ASTN2: variants seen among roughly 807,000 people sequenced by gnomAD.
ASTN2 encodes astrotactin-2.
ASTN2 carries 54 observed loss-of-function variants against 139.8 expected under a neutral mutation model. That is an observed-to-expected ratio of 0.39 (90% CI 0.31 to 0.48). ASTN2 has a LOEUF of 0.48. ASTN2 is among the 20% of genes least tolerant of loss of function. ASTN2 has a pLI of 0.95. For synonymous variants in ASTN2, 756 were observed against 719.5 expected (o/e 1.05, Z -0.81); for missense variants, 1,565 against 1,725.1 (o/e 0.91, Z 1.64).
chr9:117,245,104 G>A (rs922879660), intron 2 of ASTN2, among the ~76,000 whole-genome samples: 19 of 152,130 alleles, frequency 1.2e-4, no homozygotes, highest in African/African-American at 3.9e-4. Context: ...TTCATCCTCC[G>A]TGGCCTCCAC....
chr9:116,528,028 G>T (rs1438939545), intron 19 of ASTN2, among the ~76,000 whole-genome samples: 1 of 152,182 alleles, frequency 6.6e-6, no homozygotes. Flanking sequence ...GGTACCAGAA[G>T]TGAGGCACTG....
At chr9:116,943,679 T>C (rs916294949) in intron 10 of ASTN2, among the ~76,000 whole-genome samples, 9 of 152,188 alleles carry the variant, frequency 5.9e-5, no homozygotes, top group African/African-American at 2.2e-4. Flanking sequence ...AATCCCTATC[T>C]TTGGCCTGAC....
chr9:116,923,088 G>A lies in ASTN2; in HGVS notation c.1889+52120C>T, dbSNP rs77772536. 6.5e-3 allele frequency among the ~76,000 whole-genome samples: 991 copies of A among 152,284 alleles called. 6 individuals are homozygous for A. The highest frequency in any genetic ancestry group is 9.0e-3 in the Admixed American group (138 of 15,300). On this transcript the variant is annotated intron_variant, in intron 10 of 22. Transcript: ENST00000313400. ...GCCACTTTACAAACAAGGACATTAA[G>A]GTTCAGACTCAAACAAAGCCCGCCT... is the stretch of plus-strand genomic sequence containing the variant.
chr9:116,539,980 G>T (rs1851810797), intron 19 of ASTN2, among the ~76,000 whole-genome samples: 1 of 152,122 alleles, frequency 6.6e-6, no homozygotes, highest in Admixed American at 6.5e-5. Context: ...AGTTCAGTTG[G>T]CATCATTTTC....
intron 13 of ASTN2, among the ~76,000 whole-genome samples, chr9:116,788,859 C>T (rs1021801338): frequency 3.9e-5 from 6 of 152,154 alleles, no homozygotes; most frequent in African/African-American, 1.4e-4. Flanking sequence ...ATTACTTTCC[C>T]TTTACACCAA....
At chr9:116,453,593 CAAAAA>C (rs386416019) in intron 20 of ASTN2, among the ~76,000 whole-genome samples, 10 of 58,796 alleles carry the variant, frequency 1.7e-4, no homozygotes, top group South Asian at 1.3e-3. Context: ...GACTCCGTCT[CAAAAA>C]AAAAAAAAAA....
chr9:116,752,059 ACAAAGT>A (rs1237099674), intron 13 of ASTN2, among the ~76,000 whole-genome samples: 4 of 152,202 alleles, frequency 2.6e-5, no homozygotes, highest in Non-Finnish European at 5.9e-5. Context: ...AAGAAGTAAA[ACAAAGT>A]CAGAGGACTG....
intron 1 of ASTN2, among the ~76,000 whole-genome samples, chr9:117,308,388 A>T (rs1425219672): frequency 6.6e-6 from 1 of 152,196 alleles, no homozygotes; most frequent in Non-Finnish European, 1.5e-5. Flanking sequence ...CATTTTACAG[A>T]GAAAAAAACT....
intron 10 of ASTN2, among the ~76,000 whole-genome samples, chr9:116,972,156 A>G (rs965992371): frequency 6.6e-6 from 1 of 152,146 alleles, no homozygotes; most frequent in Non-Finnish European, 1.5e-5. Context: ...CCCAGAAGTA[A>G]TCTCTATCCT....
At chr9:117,289,491 T>C (rs1278651882) in intron 2 of ASTN2, among the ~76,000 whole-genome samples, 2 of 152,166 alleles carry the variant, frequency 1.3e-5, no homozygotes, top group Non-Finnish European at 2.9e-5. Context: ...AAAGACACAT[T>C]GGAGGCTCAT....
intron 10 of ASTN2, among the ~76,000 whole-genome samples, chr9:116,966,028 G>A (rs1836001346): frequency 6.6e-6 from 1 of 152,220 alleles, no homozygotes; most frequent in African/African-American, 2.4e-5. Context: ...TCCAGTTTGG[G>A]GTCAGGCTTC....
chr9:117,192,059 A>T (rs994105182), intron 3 of ASTN2, among the ~76,000 whole-genome samples: 1 of 151,782 alleles, frequency 6.6e-6, no homozygotes, highest in African/African-American at 2.4e-5. Context: ...CTTTGGTGAC[A>T]TTCCTGTTTG....
intron 13 of ASTN2, among the ~76,000 whole-genome samples, chr9:116,789,449 G>C (rs1364484092): frequency 1.3e-5 from 2 of 152,118 alleles, no homozygotes; most frequent in Admixed American, 1.3e-4. Context: ...GCTCATTTTG[G>C]ACTCTTAAAA....
chr9:117,314,291 A>AG (rs1828065205), intron 1 of ASTN2, among the ~76,000 whole-genome samples: 1 of 152,108 alleles, frequency 6.6e-6, no homozygotes. Context: ...ATGCTGAACA[A>AG]GCAGCATCCT....
chr9:117,365,898 C>A (rs1460088491), intron 1 of ASTN2, among the ~76,000 whole-genome samples: 2 of 152,164 alleles, frequency 1.3e-5, no homozygotes, highest in East Asian at 3.9e-4. Flanking sequence ...GTAGGTGATG[C>A]TCTATGAGCT....
rs568146458 is a variant in ASTN2 at position 117,132,592 on chromosome 9, A to G, written c.1168+8734T>C. Among the ~76,000 whole-genome samples the G allele has an allele frequency of 4.6e-5, 7 of 152,218 alleles. No individual in the cohort carries two copies. The East Asian group carries it at 1.4e-3, about 29-fold the overall frequency. On this transcript the variant is annotated intron_variant, in intron 4 of 22. Coordinates refer to ENST00000313400, the MANE Select transcript of ASTN2 (RefSeq NM_001365068.1). ...GAAAAAGCTCCTGAAGGAGACATAC[A>G]CTTTCAGGAACACAAACTTCTCTGA... is the stretch of plus-strand genomic sequence containing the variant.
intron 11 of ASTN2, among the ~76,000 whole-genome samples, chr9:116,843,830 G>C (rs1305639343): frequency 1.2e-4 from 18 of 152,164 alleles, no homozygotes; most frequent in Admixed American, 9.8e-4. Context: ...TAGTACCTGA[G>C]TGATGGGATC....
intron 3 of ASTN2, among the ~76,000 whole-genome samples, chr9:117,178,457 G>A (rs1016821482): frequency 6.6e-6 from 1 of 152,154 alleles, no homozygotes; most frequent in Non-Finnish European, 1.5e-5. Flanking sequence ...AAGTAGATTG[G>A]TTTCACCCTC....
At chr9:116,820,254 G>C (rs1005440791) in intron 12 of ASTN2, among the ~76,000 whole-genome samples, 7 of 152,174 alleles carry the variant, frequency 4.6e-5, no homozygotes, top group Non-Finnish European at 1.0e-4. Flanking sequence ...AAGCCTTTGT[G>C]AACCTTCAAG....
Sources: allele counts gnomAD v4.1 joint callset (sites outside exome capture counted in the v4.1 genomes callset), GRCh38; gene constraint gnomAD v4.1.1; transcripts MANE v1.5; gene names NCBI Gene and HGNC (gene_info 2026-07-23, HGNC 2026-07-21).